CYB5R2: variants seen among roughly 807,000 people sequenced by gnomAD.
CYB5R2 encodes NADH-cytochrome b5 reductase 2.
In CYB5R2, 35 loss-of-function variants were observed where a neutral mutation model predicts 29.8. The observed-to-expected ratio is 1.17, with a 90% CI of 0.90 to 1.56. CYB5R2 has a LOEUF of 1.56. Among genes scored for constraint, CYB5R2 ranks in the 40% most tolerant of loss-of-function variants. The probability of loss-of-function intolerance (pLI) is 0.00; values close to 1 mark genes in which losing one functional copy is unlikely to be tolerated. For missense variants in CYB5R2, 419 were observed against 346.7 expected (o/e 1.21, Z -1.66); for synonymous variants, 169 against 130.6 (o/e 1.29, Z -2.01).
intron 5 of CYB5R2, chr11:7,668,963 C>A (rs764506806): frequency 6.1e-6 from 4 of 657,322 alleles, no homozygotes; most frequent in Non-Finnish European, 1.1e-5. Context: ...AGGCATTGTG[C>A]TGGAGATTTT....
In CYB5R2 at chr11:7,665,225, A is replaced by C; in HGVS notation, c.*149T>G. On this transcript the variant is annotated 3_prime_UTR_variant, in exon 9 of 9. Transcript: ENST00000299498. ...TCCAGCCCCTTGAGCCCTTTTTGTTAGGCCCACACCCAAAAGAGGAGAACC... is the reference window on the plus strand; with the variant it reads ...TCCAGCCCCTTGAGCCCTTTTTGTTCGGCCCACACCCAAAAGAGGAGAACC... The C allele has an allele frequency of 1.6e-6, 1 of 642,150 alleles. No homozygotes were observed. Among genetic ancestry groups the C allele is most frequent in the Non-Finnish European group, 2.5e-6 (1 of 400,688 alleles). The allele number at this position is 642,150 out of a possible 1,614,324, so 39.8% of individuals were successfully genotyped here.
upstream of CYB5R2, chr11:7,673,833 G>T: frequency 1.0e-6 from 1 of 987,040 alleles, no homozygotes; most frequent in Non-Finnish European, 1.2e-6. Context: ...ACGGGGAACC[G>T]GCCGAGACCC....
At chr11:7,668,927 G>C in intron 5 of CYB5R2, 1 of 607,276 alleles carries the variant, frequency 1.6e-6, no homozygotes. Context: ...CCATTTTTCA[G>C]TATTAGCAGG....
rs369005000 is a variant in CYB5R2, at chr11:7,669,610, G to A, written c.258+15C>T. On this transcript the variant is annotated intron_variant, in intron 4 of 8. Transcript: ENST00000299498. ...TGGAAGCACGAGCTAGCCAGATATGGTGGGCACTATTTACCTTTATAATTA... is the reference window on the plus strand; with the variant it reads ...TGGAAGCACGAGCTAGCCAGATATGATGGGCACTATTTACCTTTATAATTA... 1.3e-5 allele frequency: 21 copies of A among 1,560,368 alleles called. No individual in the cohort carries two copies. The African/African-American group carries it at 2.3e-4, about 17-fold the overall frequency.
chr11:7,666,647 A>C, intron 7 of CYB5R2, 97 bp from the exon 8 acceptor site: 1 of 779,068 alleles, frequency 1.3e-6, no homozygotes, highest in South Asian at 1.7e-5. Context: ...CAAAGCTGCC[A>C]CCACTCCAGC....
At chr11:7,668,785 C>T in intron 5 of CYB5R2, 2 of 603,600 alleles carry the variant, frequency 3.3e-6, no homozygotes, top group South Asian at 2.0e-5. Flanking sequence ...ATCGCCGGGC[C>T]TTCTGTTCTG....
Position 7,665,519 on chromosome 11 carries a change from G to GT in CYB5R2, c.685dup (p.Thr229AsnfsTer34). 6.2e-7 allele frequency: 1 copy of GT among 1,612,128 alleles called. No individual in the cohort carries two copies. The highest frequency in any genetic ancestry group is 8.5e-7 in the Non-Finnish European group (1 of 1,179,134). On this transcript the variant is annotated frameshift_variant, in exon 9 of 9. Coordinates refer to ENST00000299498, the MANE Select transcript of CYB5R2 (RefSeq NM_016229.5). LOFTEE classifies it high-confidence loss of function. ...AAGGTGCTCCTTGATCATGTCGGCA[G>GT]TAACGAAGCCTGAGCTGTACTTCCA...
intron 8 of CYB5R2, 184 bp from the exon 9 acceptor site, chr11:7,665,730 C>A: frequency 8.3e-7 from 1 of 1,205,036 alleles, no homozygotes; most frequent in Non-Finnish European, 1.1e-6. Context: ...CTGCAGCAAT[C>A]ACCCCAGGTC....
chr11:7,673,677 T>C (rs1389346298), upstream of CYB5R2: 11 of 985,264 alleles, frequency 1.1e-5, no homozygotes, highest in Non-Finnish European at 1.2e-5. Flanking sequence ...ACGGAGATAT[T>C]TCTTCAATAC....
intron 5 of CYB5R2, 150 bp from the exon 6 acceptor site, chr11:7,668,711 C>G (rs1042712257): frequency 2.8e-6 from 2 of 707,422 alleles, no homozygotes; most frequent in Non-Finnish European, 5.1e-6. Flanking sequence ...CCAGGGCAGT[C>G]TCCTCAGCTA....
Position 7,665,560 on chromosome 11 carries a change from G to T in CYB5R2, c.659-14C>A. 1 of 1,591,590 alleles carries T rather than the reference G, an allele frequency of 6.3e-7. No homozygotes were observed. ...TGTACTTCCAGCCTGAAATGAAGGA[G>T]ATGCAGGAGCAAGCTGAGCGATGCC... On this transcript the variant is annotated splice_polypyrimidine_tract_variant and intron_variant, in intron 8 of 8. Coordinates refer to ENST00000299498, the MANE Select transcript of CYB5R2 (RefSeq NM_016229.5).
Position 7,666,634 on chromosome 11 carries a change from G to A in CYB5R2, c.559-84C>T, listed in dbSNP as rs1182848599. On this transcript the variant is annotated intron_variant, in intron 7 of 8. Coordinates refer to ENST00000299498, the MANE Select transcript of CYB5R2 (RefSeq NM_016229.5). The stretch of plus-strand genomic sequence containing the variant: ...TGACTACACCGGTCAGCATACTCCT[G>A]GCCAAAGCTGCCACCACTCCAGCTG... 12 of 879,836 alleles carry A rather than the reference G, an allele frequency of 1.4e-5. No homozygotes were observed. The East Asian group carries it at 3.2e-4, about 23-fold the overall frequency. The allele number at this position is 879,836 out of a possible 1,614,324, so 54.5% of individuals were successfully genotyped here.
intron 7 of CYB5R2, chr11:7,667,211 G>A (rs1237960968): frequency 6.6e-6 from 1 of 151,764 alleles, no homozygotes; most frequent in Non-Finnish European, 1.5e-5. Flanking sequence ...ATATTATTTA[G>A]AACTGAAAAC....
intron 8 of CYB5R2, 131 bp from the exon 9 acceptor site, chr11:7,665,677 C>T (rs945611860): frequency 3.4e-6 from 4 of 1,174,106 alleles, no homozygotes; most frequent in South Asian, 1.5e-5. Flanking sequence ...GAAGTCTGTA[C>T]TACTGCTCCC....
At chr11:7,670,880 T>A (rs1364619057) in intron 3 of CYB5R2, 1 of 152,232 alleles carries the variant, frequency 6.6e-6, no homozygotes, top group East Asian at 1.9e-4. Flanking sequence ...TGTAGTCAGT[T>A]TACTCCCTCA....
At position 7,665,517 on chromosome 11, in the gene CYB5R2, C is replaced by T. The variant is rs759545270; in HGVS notation, c.688G>A (p.Ala230Thr). The change falls in exon 9 of 9, where the codon GCC (alanine) becomes ACC (threonine). Residue 230 changes from alanine (A) to threonine (T), a missense_variant. Transcript: ENST00000299498. The stretch of plus-strand genomic sequence containing the variant: ...GGAAGGTGCTCCTTGATCATGTCGG[C>T]AGTAACGAAGCCTGAGCTGTACTTC... ...GWKYSSGFVT[A>T]DMIKEHLPPP... The T allele has an allele frequency of 1.4e-5, 23 of 1,611,996 alleles. No homozygotes were observed. In the Admixed American group the frequency reaches 3.3e-4, roughly 23 times the overall value.
intron 3 of CYB5R2, chr11:7,672,125 A>G: frequency 3.5e-6 from 1 of 286,644 alleles, no homozygotes. Context: ...CATTTCATAG[A>G]CTGAGGCTCA....
chr11:7,668,703 A>G (rs906486382), intron 5 of CYB5R2, 142 bp from the exon 6 acceptor site: 6 of 737,358 alleles, frequency 8.1e-6, no homozygotes, highest in Non-Finnish European at 9.6e-6. Flanking sequence ...GAAGCAGGCC[A>G]GGGCAGTCTC....
At position 7,668,507 on chromosome 11, in the gene CYB5R2, T is replaced by G. The variant is rs142026127; in HGVS notation, c.443A>C (p.Asp148Ala). Residue 148 changes from aspartate to alanine, a missense_variant, in exon 6 of 9, where the codon GAT (aspartate) becomes GCT (alanine). Physicochemically the swap from Asp to Ala is moderately radical, Grantham distance 126 (BLOSUM62 -2). Transcript: ENST00000299498. Reference protein sequence around the residue: ...QTSEPKKTLADHLGMIAGGTG... With the variant: ...QTSEPKKTLAAHLGMIAGGTG... ...GCCCCCAGCAATCATTCCCAGGTGA[T>G]CGGCCAGTGTTTTTTTAGGCTCACT... The G allele has an allele frequency of 1.4e-4, 233 of 1,613,972 alleles. No individual in the cohort carries two copies. The highest frequency in any genetic ancestry group is 1.8e-4 in the Non-Finnish European group (208 of 1,179,990).
Sources: allele counts gnomAD v4.1 joint callset, GRCh38; gene constraint gnomAD v4.1.1; transcripts MANE v1.5; gene names NCBI Gene and HGNC (gene_info 2026-07-23, HGNC 2026-07-21).